The following STXBP5L variants were observed in gnomAD, a reference collection of about 807,000 sequenced individuals.
The protein encoded by STXBP5L is syntaxin binding protein 5L.
Under a neutral mutation model 144.5 loss-of-function variants are expected in STXBP5L, and 65 were observed. The ratio of observed to expected loss-of-function variants is 0.45; its 90% CI spans 0.37 to 0.55. STXBP5L has a LOEUF of 0.55. Ranked by LOEUF, STXBP5L falls within the 20% of genes least tolerant of loss-of-function variation. The pLI is 0.00. For missense variants in STXBP5L, 1,298 were observed against 1,405.5 expected (o/e 0.92, Z 1.22); for synonymous variants, 505 against 469.6 (o/e 1.08, Z -0.97).
chr3:121,281,616 C>T (rs764341273), intron 19 of STXBP5L, among the ~76,000 whole-genome samples: 1 of 151,930 alleles, frequency 6.6e-6, no homozygotes, highest in East Asian at 1.9e-4. Context: ...GCTGGATATA[C>T]ACAGTGGGGC....
intron 5 of STXBP5L, among the ~76,000 whole-genome samples, chr3:121,101,112 CA>C (rs142123357): frequency 1.0e-4 from 15 of 150,456 alleles, no homozygotes; most frequent in East Asian, 5.8e-4. Context: ...ATCTGCCAAA[CA>C]AAAAAAAAGC....
intron 10 of STXBP5L, among the ~76,000 whole-genome samples, chr3:121,209,792 A>G (rs1160189992): frequency 1.3e-5 from 2 of 152,158 alleles, no homozygotes; most frequent in South Asian, 2.1e-4. Context: ...ATAGTATTCC[A>G]TGGTGTATAT....
chr3:121,345,180 A>C (rs2044905763), intron 20 of STXBP5L, among the ~76,000 whole-genome samples: 5 of 151,744 alleles, frequency 3.3e-5, no homozygotes, highest in Admixed American at 3.3e-4. Flanking sequence ...CCCTGACAGG[A>C]CCCCGTGTGT....
chr3:121,305,949 G>T (rs920659301), intron 19 of STXBP5L, among the ~76,000 whole-genome samples: 3 of 152,084 alleles, frequency 2.0e-5, no homozygotes, highest in African/African-American at 7.2e-5. Flanking sequence ...CATGTCAGTA[G>T]ACAACAATTA....
intron 7 of STXBP5L, among the ~76,000 whole-genome samples, chr3:121,142,590 T>C (rs2045553249): frequency 1.3e-5 from 2 of 151,678 alleles, no homozygotes; most frequent in South Asian, 4.1e-4. Context: ...TAGAAATCAA[T>C]AGTGGAAGAA....
chr3:121,098,805 A>T (rs2043266055), intron 5 of STXBP5L, among the ~76,000 whole-genome samples: 1 of 152,136 alleles, frequency 6.6e-6, no homozygotes, highest in African/African-American at 2.4e-5. Context: ...TCCAGTTTAT[A>T]ATTGGCATGT....
intron 5 of STXBP5L, among the ~76,000 whole-genome samples, chr3:121,083,431 G>A (rs112771897): frequency 0.13 from 19,050 of 152,094 alleles, 1,581 homozygotes; most frequent in Non-Finnish European, 0.19. Flanking sequence ...GGAGGCTGAG[G>A]TGGGCAGATC....
At chr3:121,098,622 G>T (rs184293082) in intron 5 of STXBP5L, among the ~76,000 whole-genome samples, 9 of 152,284 alleles carry the variant, frequency 5.9e-5, no homozygotes, top group African/African-American at 9.6e-5. Context: ...GTATTATGAG[G>T]CCAGAGAAAT....
At chr3:121,302,519 A>C (rs1314915039) in intron 19 of STXBP5L, among the ~76,000 whole-genome samples, 2 of 152,076 alleles carry the variant, frequency 1.3e-5, no homozygotes. Context: ...GATTTTTTGA[A>C]GGGTTTTTTA....
At chr3:121,195,891 T>G (rs1317503905) in intron 9 of STXBP5L, among the ~76,000 whole-genome samples, 1 of 152,188 alleles carries the variant, frequency 6.6e-6, no homozygotes, top group Non-Finnish European at 1.5e-5. Flanking sequence ...CATTTGTCAC[T>G]CTATTGCTTG....
chr3:121,094,052 G>T (rs1020966161), intron 5 of STXBP5L, among the ~76,000 whole-genome samples: 23 of 152,114 alleles, frequency 1.5e-4, no homozygotes, highest in Non-Finnish European at 2.2e-4. Flanking sequence ...TCAGGAGCAG[G>T]TTGTTCAATT....
At chr3:121,237,606 C>T (rs1278136613) in intron 12 of STXBP5L, among the ~76,000 whole-genome samples, 2 of 152,160 alleles carry the variant, frequency 1.3e-5, no homozygotes, top group Non-Finnish European at 2.9e-5. Context: ...TCTTTACTAC[C>T]ACATGGCCAG....
At chr3:121,050,908 A>G (rs1021786480) in intron 5 of STXBP5L, among the ~76,000 whole-genome samples, 33 of 152,316 alleles carry the variant, frequency 2.2e-4, no homozygotes, top group African/African-American at 7.7e-4. Flanking sequence ...AGCAAATGGA[A>G]AACAAAAAAA....
chr3:120,987,636 T>C (rs1942415109), intron 3 of STXBP5L, among the ~76,000 whole-genome samples: 1 of 151,878 alleles, frequency 6.6e-6, no homozygotes, highest in Non-Finnish European at 1.5e-5. Flanking sequence ...AAAAAATAGA[T>C]TGTGCTCGTG....
At chr3:121,392,541 C>T (rs1421977456) in intron 22 of STXBP5L, among the ~76,000 whole-genome samples, 1 of 152,080 alleles carries the variant, frequency 6.6e-6, no homozygotes, top group Non-Finnish European at 1.5e-5. Flanking sequence ...TTGGAACACG[C>T]CCGCAGTCTT....
chr3:121,352,684 G>A (rs543405442), intron 20 of STXBP5L, among the ~76,000 whole-genome samples: 1 of 152,000 alleles, frequency 6.6e-6, no homozygotes, highest in East Asian at 1.9e-4. Flanking sequence ...TCTTTCTCTT[G>A]CCTGATTGCC....
intron 10 of STXBP5L, among the ~76,000 whole-genome samples, chr3:121,211,998 C>T (rs566309242): frequency 3.0e-4 from 46 of 152,046 alleles, no homozygotes; most frequent in South Asian, 1.2e-3. Context: ...GTTTTTTGGC[C>T]GCATAAATGT....
At chr3:120,926,155 G>T (rs1351826703) in intron 2 of STXBP5L, among the ~76,000 whole-genome samples, 3 of 151,838 alleles carry the variant, frequency 2.0e-5, no homozygotes, top group Non-Finnish European at 4.4e-5. Context: ...TTTACCAGTG[G>T]GTTTTATGCT....
At chr3:121,198,979 G>T (rs1577189722) in intron 9 of STXBP5L, among the ~76,000 whole-genome samples, 1 of 152,032 alleles carries the variant, frequency 6.6e-6, no homozygotes. Context: ...TTATTTTTTG[G>T]TTCCATATGA....
Sources: allele counts gnomAD v4.1 joint callset (sites outside exome capture counted in the v4.1 genomes callset), GRCh38; gene constraint gnomAD v4.1.1; transcripts MANE v1.5; gene names NCBI Gene and HGNC (gene_info 2026-07-23, HGNC 2026-07-21).